Variants in GPATCH8 observed in about 807,000 individuals in gnomAD.
GPATCH8 encodes G-patch domain containing 8.
In GPATCH8, 18 loss-of-function variants were observed where a neutral mutation model predicts 118.3. The observed-to-expected ratio is 0.15, with a 90% CI of 0.11 to 0.23. The LOEUF is 0.23. Ranked by LOEUF, GPATCH8 falls within the 10% of genes least tolerant of loss-of-function variation. The probability of loss-of-function intolerance (pLI) is 1.00; values close to 1 mark genes in which losing one functional copy is unlikely to be tolerated. For missense variants in GPATCH8, 1,631 were observed against 1,873.8 expected (o/e 0.87, Z 2.39); for synonymous variants, 659 against 684.7 (o/e 0.96, Z 0.59).
intron 1 of GPATCH8, among the ~76,000 whole-genome samples, chr17:44,488,485 C>G (rs1968970181): frequency 6.6e-6 from 1 of 151,924 alleles, no homozygotes; most frequent in African/African-American, 2.4e-5. Context: ...TCTCCTGCCT[C>G]AGCCTCCCAA....
Position 44,400,554 on chromosome 17 carries a change from C to A in GPATCH8, c.1523G>T (p.Cys508Phe), listed in dbSNP as rs2143633598. 6.2e-7 allele frequency: 1 copy of A among 1,614,102 alleles called. No homozygotes were observed. The highest frequency in any genetic ancestry group is 2.2e-5 in the East Asian group (1 of 44,880). ...GGTTTCTTTAGAAGAGTTGGACTCA[C>A]ACATTTGGGTCTCTGAAACCTTCTG... is the stretch of plus-strand genomic sequence containing the variant. ...HSQKVSETQM[C>F]ESNSSKETSL... Residue 508 changes from cysteine to phenylalanine, a missense_variant, in exon 8 of 8, where the codon TGT becomes TTT. Cys to Phe is a radical substitution (Grantham distance 205). Transcript: ENST00000591680.
At chr17:44,470,072 A>C (rs935987794) in intron 2 of GPATCH8, among the ~76,000 whole-genome samples, 4 of 152,258 alleles carry the variant, frequency 2.6e-5, no homozygotes, top group African/African-American at 4.8e-5. Flanking sequence ...AAAGAATTTT[A>C]ATCAGTCAGG....
chr17:44,498,457 A>G (rs1969824995), intron 1 of GPATCH8, among the ~76,000 whole-genome samples: 1 of 152,220 alleles, frequency 6.6e-6, no homozygotes, highest in African/African-American at 2.4e-5. Context: ...TATGTCCCAC[A>G]TTTGAAAAGT....
At position 44,474,853 on chromosome 17, in the gene GPATCH8, C is replaced by T. The variant is rs141918339; in HGVS notation, c.96G>A (p.Ala32=). The T allele has an allele frequency of 1.5e-5, 23 of 1,575,678 alleles. No individual in the cohort carries two copies. The East Asian group carries it at 4.0e-4, about 28-fold the overall frequency. The part of the protein sequence containing the change: ...YEEGHLEIEQ[A]SLDKPIESDN... ...CCGATTCTATAGGCTTGTCAAGTGA[C>T]GCTTGTTCAATTTCCAAGTGTCCTT... The change falls in exon 2 of 8, where the codon GCG becomes GCA. Residue 32 remains alanine (A), a synonymous_variant. Coordinates refer to ENST00000591680, the MANE Select transcript of GPATCH8 (RefSeq NM_001002909.4).
chr17:44,397,259 G>C lies in GPATCH8; in HGVS notation c.*309C>G. 1 of 551,426 alleles carries C rather than the reference G, an allele frequency of 1.8e-6. No individual in the cohort carries two copies. The highest frequency in any genetic ancestry group is 3.4e-6 in the Non-Finnish European group (1 of 289,894). The allele number at this position is 551,426 out of a possible 1,614,324, so 34.2% of individuals were successfully genotyped here. On this transcript the variant is annotated 3_prime_UTR_variant, in exon 8 of 8. Coordinates refer to ENST00000591680, the MANE Select transcript of GPATCH8 (RefSeq NM_001002909.4). Reference sequence around the variant, plus strand: ...GAGGAAAAAAGCAGAGGGAGGAGGGGATTATCTAAACTTGACAGTTTGGAG... The same window carrying C: ...GAGGAAAAAAGCAGAGGGAGGAGGGCATTATCTAAACTTGACAGTTTGGAG...
chr17:44,461,277 G>A lies in GPATCH8; in HGVS notation c.193+3195C>T, dbSNP rs571196159. 2.0e-5 allele frequency among the ~76,000 whole-genome samples: 3 copies of A among 152,152 alleles called. No homozygotes were observed. The East Asian group carries it at 5.8e-4, about 29-fold the overall frequency. ...GTTCACTGCATCCTTCAAATCCTGG[G>A]CTCAAGTGATCCTCCCACCTCAGCC... On this transcript the variant is annotated intron_variant, in intron 3 of 7. Coordinates refer to ENST00000591680, the MANE Select transcript of GPATCH8 (RefSeq NM_001002909.4).
At position 44,422,095 on chromosome 17, in the gene GPATCH8, G is replaced by GA. The variant is rs547623467; in HGVS notation, c.492+2253dup. Among the ~76,000 whole-genome samples the GA allele has an allele frequency of 3.9e-4, 59 of 152,154 alleles. No homozygotes were observed. In the East Asian group the frequency reaches 0.011, roughly 29 times the overall value. On this transcript the variant is annotated intron_variant, in intron 6 of 7. Coordinates refer to ENST00000591680, the MANE Select transcript of GPATCH8 (RefSeq NM_001002909.4). ...AATATATCACAGATATTTCTTAATT[G>GA]AAAAAATTCTCAAGAACCCCAAAAC...
intron 7 of GPATCH8, among the ~76,000 whole-genome samples, chr17:44,404,221 T>A (rs1310194538): frequency 6.6e-6 from 1 of 151,872 alleles, no homozygotes; most frequent in African/African-American, 2.4e-5. Flanking sequence ...CACTGCAGCC[T>A]TGATCTCCCA....
intron 3 of GPATCH8, among the ~76,000 whole-genome samples, chr17:44,448,718 C>G (rs77359736): frequency 0.011 from 1,600 of 150,052 alleles, 33 homozygotes; most frequent in African/African-American, 0.037. Flanking sequence ...AACCTAGGTC[C>G]AAAAGTCTAT....
At chr17:44,408,678 T>A (rs990865499) in intron 6 of GPATCH8, among the ~76,000 whole-genome samples, 2 of 152,320 alleles carry the variant, frequency 1.3e-5, no homozygotes, top group Non-Finnish European at 1.5e-5. Context: ...AGGCTTTCCA[T>A]TCAGCAGCCA....
chr17:44,494,437 C>G (rs1969510701), intron 1 of GPATCH8, among the ~76,000 whole-genome samples: 1 of 152,088 alleles, frequency 6.6e-6, no homozygotes, highest in Non-Finnish European at 1.5e-5. Flanking sequence ...ATTAAAAATA[C>G]AAAAATTAGC....
intron 3 of GPATCH8, among the ~76,000 whole-genome samples, chr17:44,452,272 C>CA (rs1187689963): frequency 0.11 from 4,742 of 41,898 alleles, 149 homozygotes; most frequent in Non-Finnish European, 0.16. Flanking sequence ...CACTCCGTCT[C>CA]AAAAAAAAAA....
At chr17:44,449,168 T>C (rs1249720839) in intron 3 of GPATCH8, among the ~76,000 whole-genome samples, 3 of 152,024 alleles carry the variant, frequency 2.0e-5, no homozygotes. Context: ...TCCCAGCTAC[T>C]TGGGAGGCTG....
chr17:44,406,189 G>T, intron 6 of GPATCH8, 138 bp from the exon 7 acceptor site: 1 of 697,380 alleles, frequency 1.4e-6, no homozygotes, highest in Non-Finnish European at 2.6e-6. Context: ...TTCTCTTATG[G>T]CAATTGAAAA....
chr17:44,414,215 T>C (rs1028138254), intron 6 of GPATCH8, among the ~76,000 whole-genome samples: 3 of 150,526 alleles, frequency 2.0e-5, no homozygotes, highest in Non-Finnish European at 4.4e-5. Flanking sequence ...ATGTAGTACA[T>C]ATTTTCACCA....
At chr17:44,466,648 T>G (rs2051776463) in intron 2 of GPATCH8, among the ~76,000 whole-genome samples, 1 of 152,184 alleles carries the variant, frequency 6.6e-6, no homozygotes, top group Non-Finnish European at 1.5e-5. Flanking sequence ...ATTAAAAGTC[T>G]CAATATAAGT....
intron 1 of GPATCH8, among the ~76,000 whole-genome samples, chr17:44,475,427 G>A (rs557311341): frequency 1.8e-3 from 267 of 151,380 alleles, no homozygotes; most frequent in African/African-American, 6.1e-3. Context: ...GGCCGGGCGC[G>A]GTGGCTCACG....
At chr17:44,436,601 T>C in intron 3 of GPATCH8, 56 bp from the exon 4 acceptor site, 1 of 861,468 alleles carries the variant, frequency 1.2e-6, no homozygotes, top group Non-Finnish European at 2.0e-6. Flanking sequence ...ACAGCTCATT[T>C]TACACATTGG....
At chr17:44,462,524 C>T (rs1383554003) in intron 3 of GPATCH8, among the ~76,000 whole-genome samples, 1 of 152,162 alleles carries the variant, frequency 6.6e-6, no homozygotes, top group Non-Finnish European at 1.5e-5. Flanking sequence ...TCTTGTGCCA[C>T]TGGAAAACAA....
Sources: gnomAD v4.1 joint callset for allele counts (sites outside exome capture counted in the v4.1 genomes callset) on GRCh38, gnomAD v4.1.1 for gene constraint, MANE v1.5 for transcripts, NCBI Gene and HGNC (gene_info 2026-07-23, HGNC 2026-07-21) for gene names.